Variants in GALNT17 observed in about 807,000 individuals in gnomAD.
GALNT17 encodes the protein polypeptide N-acetylgalactosaminyltransferase 17.
In GALNT17, 29 loss-of-function variants were observed where a neutral mutation model predicts 63.7. The ratio of observed to expected loss-of-function variants is 0.46; its 90% CI spans 0.34 to 0.62. The LOEUF (loss-of-function observed/expected upper bound fraction) is 0.62. GALNT17 is among the 20% of genes least tolerant of loss of function. GALNT17 has a pLI of 0.01. For missense variants in GALNT17, 603 were observed against 799.6 expected, an observed-to-expected ratio of 0.75 and a Z score of 2.97; for synonymous variants, 305 against 318.3, an observed-to-expected ratio of 0.96 and a Z score of 0.45.
intron 1 of GALNT17, among the ~76,000 whole-genome samples, chr7:71,148,021 G>T (rs529491031): frequency 6.6e-6 from 1 of 152,088 alleles, no homozygotes; most frequent in Non-Finnish European, 1.5e-5. Flanking sequence ...CACCTCTTAT[G>T]GTACTTTCAG....
intron 2 of GALNT17, among the ~76,000 whole-genome samples, chr7:71,366,610 AAGCCCC>A: frequency 6.6e-6 from 1 of 152,180 alleles, no homozygotes; most frequent in Middle Eastern, 3.4e-3. Context: ...AATCCTCTTC[AAGCCCC>A]AGCCCCAGAT....
rs780111888 is a variant in GALNT17, at chr7:71,335,678, T to C, written c.367T>C (p.Tyr123His). 1.9e-6 allele frequency: 3 copies of C among 1,612,718 alleles called. No individual in the cohort carries two copies. In the East Asian group the frequency reaches 6.7e-5, roughly 36 times the overall value. ...GPHEKYGYNS[Y>H]LSEKISLDRS... ...CCATGAGAAGTATGGCTACAATTCA[T>C]ACCTCAGTGAAAAAATTTCACTGGA... The change falls in exon 2 of 11, where the codon TAC (tyrosine) becomes CAC (histidine). Residue 123 changes from tyrosine to histidine, a missense_variant. Coordinates refer to ENST00000333538, the MANE Select transcript of GALNT17 (RefSeq NM_022479.3).
chr7:71,401,986 G>A (rs751491534), intron 3 of GALNT17, among the ~76,000 whole-genome samples: 6 of 152,186 alleles, frequency 3.9e-5, no homozygotes, highest in Non-Finnish European at 5.9e-5. Flanking sequence ...GTTGGGGACT[G>A]CTGTTCTAAA....
rs745505613 is a variant in GALNT17 at position 71,622,035 on chromosome 7, C to T, written c.1081-43376C>T. On this transcript the variant is annotated intron_variant, in intron 6 of 10. Coordinates refer to ENST00000333538, the MANE Select transcript of GALNT17 (RefSeq NM_022479.3). ...CCTTACACCATAATCTACCCAACTC[C>T]TTTGCTGTGAGAGACTTTCCAACTT... is the stretch of plus-strand genomic sequence containing the variant. Among the ~76,000 whole-genome samples the T allele has an allele frequency of 3.9e-4, 60 of 152,208 alleles. 1 individual carries two copies. The highest frequency in any genetic ancestry group is 1.6e-4 in the Non-Finnish European group (11 of 68,040).
At position 71,701,848 on chromosome 7, in the gene GALNT17, TATATATACAC is replaced by T. The variant is rs1562742483; in HGVS notation, c.1501-8905_1501-8896del. 3.0e-3 allele frequency among the ~76,000 whole-genome samples: 84 copies of T among 27,914 alleles called. 2 individuals carry two copies. The highest frequency in any genetic ancestry group is 4.7e-3 in the African/African-American group (45 of 9,670). The allele number at this position is 27,914 out of a possible 152,430, so 18.3% of individuals were successfully genotyped here. Reference sequence around the variant, plus strand: ...ATATACACATATATATATGTGTATATATATATACACATATATATATACATATATATATGTA... The same window carrying T: ...ATATACACATATATATATGTGTATATATATATATATACATATATATATGTA... On this transcript the variant is annotated intron_variant, in intron 9 of 10. Transcript: ENST00000333538.
chr7:71,711,965 G>GTC (rs1425937451), intron 10 of GALNT17, 53 bp from the exon 11 acceptor site: 11 of 1,585,688 alleles, frequency 6.9e-6, no homozygotes, highest in Non-Finnish European at 8.6e-6. Flanking sequence ...ATCTCTCGCT[G>GTC]TCTCTCTCTC....
chr7:71,411,677 C>T (rs1793432432), intron 3 of GALNT17, among the ~76,000 whole-genome samples: 1 of 152,262 alleles, frequency 6.6e-6, no homozygotes, highest in Non-Finnish European at 1.5e-5. Flanking sequence ...ATCCAGTTCT[C>T]CTTGTATTGA....
At chr7:71,580,279 A>C (rs1789612935) in intron 6 of GALNT17, among the ~76,000 whole-genome samples, 1 of 152,090 alleles carries the variant, frequency 6.6e-6, no homozygotes, top group Non-Finnish European at 1.5e-5. Flanking sequence ...GATTAGATAG[A>C]TGATAGATAA....
At chr7:71,199,479 A>T (rs935665334) in intron 1 of GALNT17, among the ~76,000 whole-genome samples, 2 of 151,632 alleles carry the variant, frequency 1.3e-5, no homozygotes, top group Non-Finnish European at 2.9e-5. Flanking sequence ...TCTCTGTCCC[A>T]CTCATCCATC....
chr7:71,323,875 G>C (rs1791658888), intron 1 of GALNT17, among the ~76,000 whole-genome samples: 1 of 152,214 alleles, frequency 6.6e-6, no homozygotes, highest in African/African-American at 2.4e-5. Flanking sequence ...CAAGAGACCA[G>C]TGCTCACGCA....
At chr7:71,271,695 C>T (rs554381805) in intron 1 of GALNT17, among the ~76,000 whole-genome samples, 2 of 152,210 alleles carry the variant, frequency 1.3e-5, no homozygotes, top group Admixed American at 1.3e-4. Flanking sequence ...CAGAATAATC[C>T]CATTTTGTGG....
chr7:71,378,089 T>G (rs1792779126), intron 2 of GALNT17, among the ~76,000 whole-genome samples: 1 of 152,214 alleles, frequency 6.6e-6, no homozygotes, highest in South Asian at 2.1e-4. Flanking sequence ...TAAATCTTGA[T>G]GTGTGAACAT....
At chr7:71,466,840 T>G (rs1327720169) in intron 5 of GALNT17, among the ~76,000 whole-genome samples, 1 of 152,156 alleles carries the variant, frequency 6.6e-6, no homozygotes, top group Non-Finnish European at 1.5e-5. Context: ...CTTTCTGGGA[T>G]GAATCAATGT....
intron 1 of GALNT17, among the ~76,000 whole-genome samples, chr7:71,328,747 T>C (rs1051182883): frequency 9.9e-5 from 15 of 151,254 alleles, no homozygotes; most frequent in African/African-American, 3.7e-4. Flanking sequence ...AATTCACAGG[T>C]GTCACATCGC....
At chr7:71,449,767 C>T (rs1435896701) in intron 5 of GALNT17, among the ~76,000 whole-genome samples, 3 of 151,956 alleles carry the variant, frequency 2.0e-5, no homozygotes, top group East Asian at 2.0e-4. Flanking sequence ...TCTAACCGGG[C>T]GCGGTGGCTC....
chr7:71,553,516 T>C (rs531175498), intron 5 of GALNT17, among the ~76,000 whole-genome samples: 1 of 152,278 alleles, frequency 6.6e-6, no homozygotes, highest in East Asian at 1.9e-4. Flanking sequence ...CAAATTACTT[T>C]CCAGAAAAGT....
At chr7:71,336,574 TATAAGTG>T (rs1202115173) in intron 2 of GALNT17, among the ~76,000 whole-genome samples, 1 of 152,156 alleles carries the variant, frequency 6.6e-6, no homozygotes, top group African/African-American at 2.4e-5. Context: ...AGCCCCGACT[TATAAGTG>T]AGAACTGGTG....
chr7:71,197,192 CTTTTTTT>C (rs34276195), intron 1 of GALNT17, among the ~76,000 whole-genome samples: 6 of 69,804 alleles, frequency 8.6e-5, no homozygotes, highest in African/African-American at 3.1e-4. Flanking sequence ...CCCTGTTGTG[CTTTTTTT>C]TTTTTTTTTT....
intron 7 of GALNT17, among the ~76,000 whole-genome samples, chr7:71,667,147 T>C (rs1489659147): frequency 6.6e-6 from 1 of 152,174 alleles, no homozygotes; most frequent in African/African-American, 2.4e-5. Context: ...TCACCTGGAG[T>C]GGTGCCCATT....
Sources: allele counts gnomAD v4.1 joint callset (sites outside exome capture counted in the v4.1 genomes callset), GRCh38; gene constraint gnomAD v4.1.1; transcripts MANE v1.5; gene names NCBI Gene and HGNC (gene_info 2026-07-23, HGNC 2026-07-21).